ATXN10: variants seen among roughly 807,000 people sequenced by gnomAD.
ATXN10 encodes ataxin 10.
In ATXN10, 28 loss-of-function variants were observed where a neutral mutation model predicts 52.9. The observed-to-expected ratio is 0.53, with a 90% CI of 0.39 to 0.73. The LOEUF is 0.73. Ranked by LOEUF, ATXN10 falls within the 30% of genes least tolerant of loss-of-function variation. The probability of loss-of-function intolerance (pLI) is 0.00; values close to 1 mark genes in which losing one functional copy is unlikely to be tolerated. For synonymous variants in ATXN10, 226 were observed against 221.5 expected (o/e 1.02, Z -0.18); for missense variants, 565 against 577.0 (o/e 0.98, Z 0.21).
At chr22:45,700,098 C>T (rs544469693) in intron 3 of ATXN10, among the ~76,000 whole-genome samples, 184 bp from the exon 4 acceptor site, 10 of 152,300 alleles carry the variant, frequency 6.6e-5, no homozygotes, top group South Asian at 6.2e-4. Flanking sequence ...AGGCGTGAGC[C>T]GCCGCTCCCA....
At chr22:45,674,221 T>G (rs1469394949) in intron 1 of ATXN10, 1 of 151,870 alleles carries the variant, frequency 6.6e-6, no homozygotes, top group African/African-American at 2.4e-5. Flanking sequence ...TACTGAGAGA[T>G]ACAAGGTTGA....
intron 6 of ATXN10, among the ~76,000 whole-genome samples, chr22:45,726,761 G>A (rs1924887751): frequency 6.6e-6 from 1 of 151,980 alleles, no homozygotes; most frequent in African/African-American, 2.4e-5. Context: ...GATCACTGCA[G>A]CCTTGACCTT....
rs116535111 is a variant in ATXN10 at position 45,689,915 on chromosome 22, C to T, written c.308+12C>T. 1,937 of 1,612,286 alleles carry T rather than the reference C, an allele frequency of 1.2e-3. 24 individuals are homozygous for T. In the African/African-American group the frequency reaches 0.022, roughly 18 times the overall value. On this transcript the variant is annotated intron_variant, in intron 2 of 11. Transcript: ENST00000252934. ...CAGAATTCAATCAGGTAGTTACACA[C>T]GTACCTTGGATTCTGTTTCTTTGTA...
intron 7 of ATXN10, 122 bp downstream of exon 7, chr22:45,729,712 C>A: frequency 6.4e-6 from 7 of 1,091,694 alleles, no homozygotes; most frequent in Non-Finnish European, 9.5e-6. Context: ...AGTAATGTAT[C>A]CATATATGAG....
At chr22:45,723,951 C>CA (rs745576988) in intron 6 of ATXN10, among the ~76,000 whole-genome samples, 2,874 of 124,500 alleles carry the variant, frequency 0.023, 33 homozygotes, top group African/African-American at 0.042. Context: ...GACCCTGTCT[C>CA]AAAAAAAAAA....
At chr22:45,679,674 A>G (rs1198686333) in intron 1 of ATXN10, 2 of 152,224 alleles carry the variant, frequency 1.3e-5, no homozygotes, top group Non-Finnish European at 2.9e-5. Context: ...TGACTCAACC[A>G]TGATTCAGCT....
intron 6 of ATXN10, among the ~76,000 whole-genome samples, chr22:45,721,944 C>T (rs10154794): frequency 0.022 from 3,283 of 152,000 alleles, 138 homozygotes; most frequent in African/African-American, 0.076. Flanking sequence ...CAAAACAAAA[C>T]AGGAATCGTA....
At chr22:45,716,324 C>A (rs1157455958) in intron 5 of ATXN10, among the ~76,000 whole-genome samples, 1 of 147,890 alleles carries the variant, frequency 6.8e-6, no homozygotes, top group Admixed American at 6.7e-5. Context: ...TTGAGTGCTT[C>A]CTTTTTTTTT....
rs971003800 is a variant in ATXN10, at chr22:45,824,956, T to C, written c.1237+17934T>C. 2.0e-5 allele frequency among the ~76,000 whole-genome samples: 3 copies of C among 152,242 alleles called. No homozygotes were observed. Among genetic ancestry groups the C allele is most frequent in the African/African-American group, 4.8e-5 (2 of 41,474 alleles). On this transcript the variant is annotated intron_variant, in intron 10 of 11. Coordinates refer to ENST00000252934, the MANE Select transcript of ATXN10 (RefSeq NM_013236.4). This position sits in a 1 kb window ranked among gnomAD's most constrained non-coding sequence, Gnocchi z 5.2. ...TGGTACGCTGAAGTCCACTGAAGTCTTGCAATGTCCACAAGAAGGCTTGAA... is the reference window on the plus strand; with the variant it reads ...TGGTACGCTGAAGTCCACTGAAGTCCTGCAATGTCCACAAGAAGGCTTGAA...
chr22:45,728,850 T>G lies in ATXN10; in HGVS notation c.729-575T>G, dbSNP rs1013686664. The stretch of plus-strand genomic sequence containing the variant: ...TAAAATAAATAGTAAAGTTTCACAG[T>G]AAAGACTACCAAATGAGTGGTTAAA... On this transcript the variant is annotated intron_variant, in intron 6 of 11. Transcript: ENST00000252934. This position sits in a 1 kb window ranked among gnomAD's most constrained non-coding sequence, Gnocchi z 4.3. Among the ~76,000 whole-genome samples, 1 of 152,196 alleles carries G rather than the reference T, an allele frequency of 6.6e-6. No individual in the cohort carries two copies. Among genetic ancestry groups the G allele is most frequent in the Non-Finnish European group, 1.5e-5 (1 of 68,024 alleles).
At chr22:45,753,029 C>T (rs947254289) in intron 9 of ATXN10, among the ~76,000 whole-genome samples, 4 of 152,054 alleles carry the variant, frequency 2.6e-5, no homozygotes, top group Non-Finnish European at 4.4e-5. Flanking sequence ...CTACCGTGCC[C>T]GGCTGATCAA....
At chr22:45,836,087 A>AAGGAAGAG (rs1929156529) in intron 10 of ATXN10, among the ~76,000 whole-genome samples, 1 of 152,220 alleles carries the variant, frequency 6.6e-6, no homozygotes, top group Non-Finnish European at 1.5e-5. Context: ...AGGAAGAGGG[A>AAGGAAGAG]GCCAAAATGG....
At chr22:45,798,013 T>A (rs1423706726) in intron 9 of ATXN10, among the ~76,000 whole-genome samples, 1 of 152,230 alleles carries the variant, frequency 6.6e-6, no homozygotes, top group Non-Finnish European at 1.5e-5. Flanking sequence ...TAAATATTTT[T>A]AAAAATTAAA....
chr22:45,816,355 A>G lies in ATXN10; in HGVS notation c.1237+9333A>G, dbSNP rs1348899454. 1.3e-5 allele frequency among the ~76,000 whole-genome samples: 2 copies of G among 152,240 alleles called. No individual in the cohort carries two copies. Among genetic ancestry groups the G allele is most frequent in the Non-Finnish European group, 2.9e-5 (2 of 68,044 alleles). On this transcript the variant is annotated intron_variant, in intron 10 of 11. Transcript: ENST00000252934. This position sits in a 1 kb window ranked among gnomAD's most constrained non-coding sequence, Gnocchi z 5.8. ...CTGAGATAGTAGCTCCTTGGGAAACAGATACCTCTCCCGTTTCCTCTCTTT... is the reference window on the plus strand; with the variant it reads ...CTGAGATAGTAGCTCCTTGGGAAACGGATACCTCTCCCGTTTCCTCTCTTT...
intron 1 of ATXN10, among the ~76,000 whole-genome samples, chr22:45,680,989 G>T (rs1478910016): frequency 6.6e-6 from 1 of 152,120 alleles, no homozygotes; most frequent in Non-Finnish European, 1.5e-5. Flanking sequence ...CAAAGGTGTG[G>T]TAGTTCTCCT....
chr22:45,788,933 G>A (rs1927412697), intron 9 of ATXN10, among the ~76,000 whole-genome samples: 1 of 152,172 alleles, frequency 6.6e-6, no homozygotes, highest in African/African-American at 2.4e-5. Context: ...ACAGGCATGA[G>A]CCACCATGCC....
chr22:45,804,217 G>A (rs1928024819), intron 9 of ATXN10, among the ~76,000 whole-genome samples: 1 of 152,120 alleles, frequency 6.6e-6, no homozygotes, highest in African/African-American at 2.4e-5. Flanking sequence ...CACTTATTAG[G>A]TCAGTGACCA....
At chr22:45,697,275 C>T (rs1923647601) in intron 3 of ATXN10, among the ~76,000 whole-genome samples, 1 of 152,068 alleles carries the variant, frequency 6.6e-6, no homozygotes, top group Non-Finnish European at 1.5e-5. Context: ...GTTGGGATTA[C>T]AGGCACCCAC....
At chr22:45,741,918 T>C (rs1176610757) in intron 9 of ATXN10, among the ~76,000 whole-genome samples, 2 of 152,104 alleles carry the variant, frequency 1.3e-5, no homozygotes, top group Non-Finnish European at 1.5e-5. Context: ...TACAAAATCT[T>C]CCGTCTTTCT....
Sources: allele counts gnomAD v4.1 joint callset (sites outside exome capture counted in the v4.1 genomes callset), GRCh38; gene constraint gnomAD v4.1.1; non-coding constraint Gnocchi (gnomAD v3.1); transcripts MANE v1.5; gene names NCBI Gene and HGNC (gene_info 2026-07-23, HGNC 2026-07-21).